The following ZNF385D variants were observed in gnomAD, a reference collection of about 807,000 sequenced individuals.
ZNF385D encodes the protein zinc finger protein 385D.
Under a neutral mutation model 35.8 loss-of-function variants are expected in ZNF385D, and 15 were observed. The ratio of observed to expected loss-of-function variants is 0.42; its 90% CI spans 0.28 to 0.64. ZNF385D has a LOEUF of 0.64. Among genes scored for constraint, ZNF385D ranks in the 30% least tolerant of loss-of-function variants. The pLI is 0.23. For missense variants in ZNF385D, 474 were observed against 494.6 expected (o/e 0.96, Z 0.39); for synonymous variants, 212 against 186.8 (o/e 1.13, Z -1.10).
chr3:22,073,283 A>G (rs1368277370), intron 3 of ZNF385D, among the ~76,000 whole-genome samples: 1 of 151,576 alleles, frequency 6.6e-6, no homozygotes, highest in Non-Finnish European at 1.5e-5. Context: ...TATTTTCTAA[A>G]TTACTTTAGG....
At chr3:22,352,855 T>C (rs1166674339) in intron 2 of ZNF385D, among the ~76,000 whole-genome samples, 2 of 152,152 alleles carry the variant, frequency 1.3e-5, no homozygotes, top group East Asian at 3.9e-4. Flanking sequence ...TTCTATAATC[T>C]TTCAGTCACT....
intron 3 of ZNF385D, among the ~76,000 whole-genome samples, chr3:22,159,528 G>A (rs1442241322): frequency 6.6e-6 from 1 of 152,024 alleles, no homozygotes; most frequent in African/African-American, 2.4e-5. Flanking sequence ...ATTGCACAAA[G>A]AAATCTCTGT....
At chr3:21,617,456 G>C (rs557764636) in intron 2 of ZNF385D, among the ~76,000 whole-genome samples, 12 of 152,220 alleles carry the variant, frequency 7.9e-5, no homozygotes, top group Non-Finnish European at 1.5e-4. Flanking sequence ...ATGCTTGTTA[G>C]TGATAGCTAA....
intron 2 of ZNF385D, among the ~76,000 whole-genome samples, chr3:21,597,094 T>C (rs2064147910): frequency 6.6e-6 from 1 of 152,192 alleles, no homozygotes; most frequent in African/African-American, 2.4e-5. Flanking sequence ...GACCACTGAC[T>C]GGAAACCAAG....
intron 3 of ZNF385D, among the ~76,000 whole-genome samples, chr3:21,990,160 G>T (rs1576099568): frequency 6.6e-6 from 1 of 152,134 alleles, no homozygotes; most frequent in Non-Finnish European, 1.5e-5. Context: ...AATGATTATA[G>T]GATGCTTATT....
At chr3:22,269,853 G>A (rs1318992755) in intron 2 of ZNF385D, among the ~76,000 whole-genome samples, 1 of 151,680 alleles carries the variant, frequency 6.6e-6, no homozygotes. Flanking sequence ...ACCTTAAATG[G>A]CAAATATTGG....
chr3:22,239,447 TAAA>T (rs1490492938), intron 2 of ZNF385D, among the ~76,000 whole-genome samples: 2 of 151,030 alleles, frequency 1.3e-5, no homozygotes, highest in Non-Finnish European at 2.9e-5. Context: ...AATTCAAGTT[TAAA>T]ACTTTACCAG....
At chr3:22,305,423 C>G (rs1349023219) in intron 2 of ZNF385D, among the ~76,000 whole-genome samples, 4 of 152,146 alleles carry the variant, frequency 2.6e-5, no homozygotes, top group African/African-American at 7.2e-5. Flanking sequence ...CAGTGACAAA[C>G]AACCTCAAAA....
intron 3 of ZNF385D, among the ~76,000 whole-genome samples, chr3:21,780,356 G>A (rs1456266743): frequency 2.0e-5 from 3 of 151,744 alleles, no homozygotes; most frequent in Non-Finnish European, 4.4e-5. Flanking sequence ...ACCACCAGGG[G>A]ATTCATGTCA....
chr3:22,091,435 C>A (rs1031431788), intron 3 of ZNF385D, among the ~76,000 whole-genome samples: 1 of 152,086 alleles, frequency 6.6e-6, no homozygotes, highest in Non-Finnish European at 1.5e-5. Context: ...ACATAATCAT[C>A]AAGAACAAAG....
chr3:22,345,151 C>T (rs958652673), intron 2 of ZNF385D, among the ~76,000 whole-genome samples: 3 of 152,100 alleles, frequency 2.0e-5, no homozygotes, highest in Non-Finnish European at 2.9e-5. Context: ...AATAATAATG[C>T]AAACCATACT....
intron 3 of ZNF385D, among the ~76,000 whole-genome samples, chr3:21,890,958 G>C (rs1023116811): frequency 6.6e-6 from 1 of 152,156 alleles, no homozygotes; most frequent in African/African-American, 2.4e-5. Flanking sequence ...TGGGAGAAGA[G>C]AAAGTGAATT....
Position 21,888,594 on chromosome 3 carries a change from G to C in ZNF385D, c.326-223566C>G, listed in dbSNP as rs140511385. 3.7e-3 allele frequency among the ~76,000 whole-genome samples: 569 copies of C among 152,080 alleles called. 3 individuals carry two copies. The highest frequency in any genetic ancestry group is 0.013 in the African/African-American group (540 of 41,476). On this transcript the variant is annotated intron_variant, in intron 3 of 5. Transcript: ENST00000494108. ...TGTTGCTGCGGAAACAGAAGATTAA[G>C]AATTGAAATAAAATGGAAACAGCAG...
Position 22,156,430 on chromosome 3 carries a change from T to G in ZNF385D, c.325+12387A>C, listed in dbSNP as rs573256755. On this transcript the variant is annotated intron_variant, in intron 3 of 5. Coordinates refer to the ZNF385D transcript ENST00000494108. ...TGGATTACATGCTCTTCAAATTAAC[T>G]GCAATGCTCAGGATTGATTCACAAC... Among the ~76,000 whole-genome samples, 184 of 152,150 alleles carry G rather than the reference T, an allele frequency of 1.2e-3. 1 individual carries two copies. The highest frequency in any genetic ancestry group is 3.4e-3 in the Middle Eastern group (1 of 294).
rs761260521 is a variant in ZNF385D, at chr3:21,670,647, GGCGCCCCCCCCCCCCCC to G, written c.23-5636_23-5620del. On this transcript the variant is annotated intron_variant, in intron 1 of 7. Transcript: ENST00000281523. ...CTGAGAAATAAAAATGAAATCCTAA[GGCGCCCCCCCCCCCCCC>G]CCCCCCCCCAATGACTGAACGAATC... is the stretch of plus-strand genomic sequence containing the variant. Among the ~76,000 whole-genome samples the G allele has an allele frequency of 2.3e-3, 36 of 15,758 alleles. 9 individuals carry two copies. Among genetic ancestry groups the G allele is most frequent in the South Asian group, 4.1e-3 (1 of 246 alleles). The allele number at this position is 15,758 out of a possible 152,430, so 10.3% of individuals were successfully genotyped here.
intron 2 of ZNF385D, among the ~76,000 whole-genome samples, chr3:22,184,155 C>G (rs1460240652): frequency 6.6e-6 from 1 of 152,074 alleles, no homozygotes; most frequent in Non-Finnish European, 1.5e-5. Context: ...GTGTGGCCTC[C>G]AGCAAACCCT....
intron 3 of ZNF385D, among the ~76,000 whole-genome samples, chr3:22,166,893 C>G (rs534512367): frequency 1.3e-5 from 2 of 152,306 alleles, no homozygotes; most frequent in South Asian, 4.1e-4. Context: ...CCAATACAAA[C>G]TTAAAGAAAA....
chr3:22,120,627 C>A (rs1283817302), intron 3 of ZNF385D, among the ~76,000 whole-genome samples: 1 of 152,050 alleles, frequency 6.6e-6, no homozygotes, highest in East Asian at 1.9e-4. Context: ...CTGCACGATA[C>A]CACACAAATC....
rs1022538291 is a variant in ZNF385D at position 21,465,841 on chromosome 3, C to A, written c.440-28638G>T. ...AATAGTCAGATGCCCTTCCTGCAGG[C>A]TGACCCACTCTCAGGCTACACAACA... is the stretch of plus-strand genomic sequence containing the variant. On this transcript the variant is annotated intron_variant, in intron 4 of 7. Coordinates refer to ENST00000281523, the MANE Select transcript of ZNF385D (RefSeq NM_024697.3). This position sits in a 1 kb window ranked among gnomAD's most constrained non-coding sequence, Gnocchi z 4.2. Among the ~76,000 whole-genome samples, 1 of 152,204 alleles carries A rather than the reference C, an allele frequency of 6.6e-6. No homozygotes were observed. Among genetic ancestry groups the A allele is most frequent in the Non-Finnish European group, 1.5e-5 (1 of 68,032 alleles).
Sources: gnomAD v4.1 joint callset for allele counts (sites outside exome capture counted in the v4.1 genomes callset) on GRCh38, gnomAD v4.1.1 for gene constraint, Gnocchi (gnomAD v3.1) non-coding constraint, MANE v1.5 for transcripts, NCBI Gene and HGNC (gene_info 2026-07-23, HGNC 2026-07-21) for gene names.